RMC1: variants seen among roughly 807,000 people sequenced by gnomAD.
The protein encoded by RMC1 is regulator of MON1-CCZ1.
A neutral mutation model predicts 95.5 loss-of-function variants in RMC1; 44 were observed. That is an observed-to-expected ratio of 0.46 (90% confidence interval 0.36 to 0.59). The LOEUF is 0.59. RMC1 is among the 20% of genes least tolerant of loss of function. RMC1 has a pLI of 0.00. For synonymous variants in RMC1, 320 were observed against 303.6 expected (o/e 1.05, Z -0.56); for missense variants, 705 against 819.6 (o/e 0.86, Z 1.71).
intron 10 of RMC1, 65 bp from the exon 11 acceptor site, chr18:23,524,065 A>C: frequency 4.6e-6 from 7 of 1,516,308 alleles, no homozygotes; most frequent in Non-Finnish European, 6.4e-6. Context: ...CTTTTGTGTC[A>C]TAAGTACCAG....
At chr18:23,527,323 C>T (rs73392104) in intron 13 of RMC1, among the ~76,000 whole-genome samples, 2,056 of 151,828 alleles carry the variant, frequency 0.014, 34 homozygotes, top group African/African-American at 0.048. Context: ...TCCTTGAGCC[C>T]GGGAGGACGA....
In RMC1 at chr18:23,520,203, C is replaced by T. The variant is rs764268227; in HGVS notation, c.851C>T (p.Thr284Ile). 65 of 1,611,430 alleles carry T rather than the reference C, an allele frequency of 4.0e-5. No homozygotes were observed. In the East Asian group the frequency reaches 8.0e-4, roughly 20 times the overall value. ...CAGTCTTGTCTTTTTCCCCCCCAGA[C>T]ATCGGTAATATTCGATATCAAGTTA... ...LVVVHHQDTE[T>I]SVIFDIKLRG... The change falls in exon 10 of 20, where the codon ACA becomes ATA. Residue 284 changes from threonine to isoleucine, a missense_variant and splice_region_variant. Transcript: ENST00000269221.
At chr18:23,526,403 A>T (rs2058298789) in intron 12 of RMC1, among the ~76,000 whole-genome samples, 1 of 152,190 alleles carries the variant, frequency 6.6e-6, no homozygotes, top group African/African-American at 2.4e-5. Context: ...CTTGGAAAAG[A>T]GTCAGCCAGG....
intron 2 of RMC1, chr18:23,506,480 C>CTCTCACAG (rs2057720025): frequency 6.5e-6 from 1 of 152,800 alleles, no homozygotes; most frequent in African/African-American, 2.4e-5. Flanking sequence ...CTGCTTCATC[C>CTCTCACAG]TCTCACAGTG....
chr18:23,514,177 T>C (rs1792616860), intron 5 of RMC1, among the ~76,000 whole-genome samples: 1 of 152,228 alleles, frequency 6.6e-6, no homozygotes, highest in Non-Finnish European at 1.5e-5. Context: ...AATACACCTG[T>C]GTGTTAATGC....
At chr18:23,528,740 C>T (rs866690723) in intron 14 of RMC1, 2 of 157,044 alleles carry the variant, frequency 1.3e-5, no homozygotes, top group South Asian at 1.8e-4. Context: ...CCGTCCCACA[C>T]GGTCTGCTGG....
Position 23,529,646 on chromosome 18 carries a change from T to C in RMC1, c.1428T>C (p.His476=). ...TTTTTTCTCCCTAGGAGATGCCTCA[T>C]AAATTTGTGATAGCCGTGCTGATGG... The part of the protein sequence containing the change: ...SAFVEKKEMP[H]KFVIAVLMEY... The change falls in exon 16 of 20, where the codon CAT becomes CAC. Residue 476 remains histidine, a synonymous_variant. Transcript: ENST00000269221. The C allele has an allele frequency of 6.2e-7, 1 of 1,614,138 alleles. No individual in the cohort carries two copies. Among genetic ancestry groups the C allele is most frequent in the Admixed American group, 1.7e-5 (1 of 60,028 alleles).
intron 19 of RMC1, 27 bp from the exon 20 acceptor site, chr18:23,531,598 C>T: frequency 6.2e-7 from 1 of 1,606,702 alleles, no homozygotes; most frequent in East Asian, 2.2e-5. Flanking sequence ...CCACATCTAA[C>T]TGGCAATTAA....
rs773650074 is a variant in RMC1 at position 23,529,689 on chromosome 18, A to G, written c.1471A>G (p.Asn491Asp). 1 of 1,614,064 alleles carries G rather than the reference A, an allele frequency of 6.2e-7. No homozygotes were observed. Among genetic ancestry groups the G allele is most frequent in the East Asian group, 2.2e-5 (1 of 44,882 alleles). The change falls in exon 16 of 20, where the codon AAC (asparagine) becomes GAC (aspartate). Residue 491 changes from asparagine (N) to aspartate (D), a missense_variant. Coordinates refer to ENST00000269221, the MANE Select transcript of RMC1 (RefSeq NM_013326.5). ...AVLMEYIRSL[N>D]QFQIAVQHYL... ...GCTGATGGAATACATTCGTTCTCTT[A>G]ACCAGTTTCAGATTGCAGTACAGGT...
Position 23,530,547 on chromosome 18 carries a change from A to G in RMC1, c.1829A>G (p.Tyr610Cys). 6.2e-7 allele frequency: 1 copy of G among 1,614,250 alleles called. No individual in the cohort carries two copies. The highest frequency in any genetic ancestry group is 8.5e-7 in the Non-Finnish European group (1 of 1,180,046). Residue 610 changes from tyrosine (Y) to cysteine (C), a missense_variant, in exon 19 of 20, where the codon TAT (tyrosine) becomes TGT (cysteine). Tyr to Cys is a radical substitution (Grantham distance 194). Transcript: ENST00000269221. Reference sequence around the variant, plus strand: ...CAGACTGAAGACAACATGCTTTTCTATACAATATTCCGCTTTTTTGAACAG... The same window carrying G: ...CAGACTGAAGACAACATGCTTTTCTGTACAATATTCCGCTTTTTTGAACAG... ...AKQTEDNMLFYTIFRFFEQRN... is the reference protein window; with the variant it reads ...AKQTEDNMLFCTIFRFFEQRN...
intron 14 of RMC1, chr18:23,528,885 T>C: frequency 6.0e-6 from 1 of 165,508 alleles, no homozygotes; most frequent in Non-Finnish European, 1.3e-5. Context: ...TCTGAACTGC[T>C]TTTTTTTTTT....
At chr18:23,523,775 C>T (rs141699375) in intron 10 of RMC1, among the ~76,000 whole-genome samples, 2 of 152,166 alleles carry the variant, frequency 1.3e-5, no homozygotes, top group Non-Finnish European at 2.9e-5. Context: ...AAACATTCTC[C>T]GTGGATGATC....
At position 23,503,623 on chromosome 18, in the gene RMC1, G is replaced by C. The variant is rs1204790315; in HGVS notation, c.5G>C (p.Gly2Ala). ...GCCGCGGGCGCGGCGCCCGCCATGG[G>C]CGAGGAGGACTACTATCTGGAGCTG... is the stretch of plus-strand genomic sequence containing the variant. Reference protein sequence around the residue: MGEEDYYLELCE... With the variant: MAEEDYYLELCE... The change falls in exon 1 of 20, where the codon GGC becomes GCC. Residue 2 changes from glycine to alanine, a missense_variant. Coordinates refer to ENST00000269221, the MANE Select transcript of RMC1 (RefSeq NM_013326.5). 1 of 1,560,100 alleles carries C rather than the reference G, an allele frequency of 6.4e-7. No homozygotes were observed. The highest frequency in any genetic ancestry group is 8.7e-7 in the Non-Finnish European group (1 of 1,154,120).
chr18:23,530,504 T>C lies in RMC1; in HGVS notation c.1786T>C (p.Phe596Leu). 1 of 1,614,246 alleles carries C rather than the reference T, an allele frequency of 6.2e-7. No homozygotes were observed. Among genetic ancestry groups the C allele is most frequent in the Non-Finnish European group, 8.5e-7 (1 of 1,180,054 alleles). Residue 596 changes from phenylalanine (F) to leucine (L), a missense_variant, in exon 19 of 20, where the codon TTT (phenylalanine) becomes CTT (leucine). Coordinates refer to ENST00000269221, the MANE Select transcript of RMC1 (RefSeq NM_013326.5). ...CCATGACAACATTTCTGCACGAAAA[T>C]TTTTAGATGCTGCAAAGCAGACTGA... ...GGHDNISARK[F>L]LDAAKQTEDN...
intron 15 of RMC1, 94 bp from the exon 16 acceptor site, chr18:23,529,541 A>T: frequency 7.6e-7 from 1 of 1,310,268 alleles, no homozygotes; most frequent in Non-Finnish European, 1.1e-6. Flanking sequence ...GGGCCATTTT[A>T]AGATGGAAAC....
chr18:23,514,430 G>T (rs1219664463), intron 5 of RMC1, among the ~76,000 whole-genome samples: 1 of 152,102 alleles, frequency 6.6e-6, no homozygotes, highest in African/African-American at 2.4e-5. Flanking sequence ...GGTGGTGGGC[G>T]CCTATAATCC....
At chr18:23,523,505 G>T (rs551364540) in intron 10 of RMC1, among the ~76,000 whole-genome samples, 2 of 132,068 alleles carry the variant, frequency 1.5e-5, no homozygotes, top group South Asian at 5.1e-4. Context: ...AAGCCCAGGA[G>T]TTGGAGACCA....
In RMC1 at chr18:23,504,357, C is replaced by T. The variant is rs1184419890; in HGVS notation, c.103-14C>T. 3.7e-6 allele frequency: 6 copies of T among 1,613,774 alleles called. No homozygotes were observed. Among genetic ancestry groups the T allele is most frequent in the Non-Finnish European group, 5.1e-6 (6 of 1,179,660 alleles). ...AGAGTTCAGGCTGTTAACCTTGCTG[C>T]TTTTCCCTCTCAGGTTTTTGCTGTT... On this transcript the variant is annotated splice_polypyrimidine_tract_variant and intron_variant, in intron 1 of 19. Coordinates refer to ENST00000269221, the MANE Select transcript of RMC1 (RefSeq NM_013326.5).
At chr18:23,527,644 C>A in intron 13 of RMC1, 151 bp from the exon 14 acceptor site, 11 of 220,590 alleles carry the variant, frequency 5.0e-5, no homozygotes, top group Non-Finnish European at 6.4e-5. Flanking sequence ...CGAATGACAT[C>A]TAGCTGTCAG....
Sources: gnomAD v4.1 joint callset for allele counts (sites outside exome capture counted in the v4.1 genomes callset) on GRCh38, gnomAD v4.1.1 for gene constraint, MANE v1.5 for transcripts, NCBI Gene and HGNC (gene_info 2026-07-23, HGNC 2026-07-21) for gene names.